SRPK2: variants seen among roughly 807,000 people sequenced by gnomAD.
The protein encoded by SRPK2 is SRSF protein kinase 2.
In SRPK2, 21 loss-of-function variants were observed where a neutral mutation model predicts 90.8. That is an observed-to-expected ratio of 0.23 (90% CI 0.16 to 0.33). The LOEUF (loss-of-function observed/expected upper bound fraction) is 0.33, where lower values mean the gene tolerates loss of function less well. Among genes scored for constraint, SRPK2 ranks in the 10% least tolerant of loss-of-function variants. The pLI is 1.00. For synonymous variants in SRPK2, 288 were observed against 311.1 expected (o/e 0.93, Z 0.78); for missense variants, 620 against 869.0 (o/e 0.71, Z 3.60).
upstream of SRPK2, among the ~76,000 whole-genome samples, chr7:105,394,387 C>T (rs1228675168): frequency 3.3e-5 from 5 of 152,048 alleles, no homozygotes; most frequent in South Asian, 8.3e-4. Flanking sequence ...ATGATCCGCC[C>T]GCCTCGGCCT....
intron 2 of SRPK2, among the ~76,000 whole-genome samples, chr7:105,221,872 C>A (rs1798140451): frequency 1.3e-5 from 2 of 152,052 alleles, no homozygotes; most frequent in South Asian, 4.1e-4. Flanking sequence ...GGGCTATAAA[C>A]AAACTAATTC....
intron 2 of SRPK2, among the ~76,000 whole-genome samples, chr7:105,349,522 C>CAAAAAA (rs572686995): frequency 2.2e-5 from 2 of 88,950 alleles, no homozygotes; most frequent in East Asian, 5.1e-4. Context: ...AACTCCATCT[C>CAAAAAA]AAAAAAAAAA....
At chr7:105,383,419 A>T (rs1821183662) in intron 2 of SRPK2, among the ~76,000 whole-genome samples, 1 of 131,552 alleles carries the variant, frequency 7.6e-6, no homozygotes, top group Non-Finnish European at 1.7e-5. Context: ...ACAAAACAGA[A>T]TTTTTTTTTT....
rs551830236 is a variant in SRPK2 at position 105,125,980 on chromosome 7, T to C, written c.1915+268A>G. 24 of 671,246 alleles carry C rather than the reference T, an allele frequency of 3.6e-5. No individual in the cohort carries two copies. In the East Asian group the frequency reaches 7.0e-4, roughly 19 times the overall value. 41.6% of individuals were successfully genotyped at this position (671,246 alleles called of 1,614,324 possible). On this transcript the variant is annotated intron_variant, in intron 15 of 15. Coordinates refer to ENST00000393651, the MANE Select transcript of SRPK2 (RefSeq NM_182692.3). Reference sequence around the variant, plus strand: ...CGCGCAGACAGAAACAGAGCGCAACTTGAATGACCAAAAGTACAGGCCTTC... The same window carrying C: ...CGCGCAGACAGAAACAGAGCGCAACCTGAATGACCAAAAGTACAGGCCTTC...
At chr7:105,137,405 C>A (rs1166412582) in intron 11 of SRPK2, among the ~76,000 whole-genome samples, 2 of 152,062 alleles carry the variant, frequency 1.3e-5, no homozygotes, top group African/African-American at 4.8e-5. Flanking sequence ...AGAAGTTAAG[C>A]CTTAAACAGT....
intron 2 of SRPK2, among the ~76,000 whole-genome samples, chr7:105,325,609 G>GT (rs567293562): frequency 5.0e-5 from 7 of 139,610 alleles, no homozygotes; most frequent in African/African-American, 1.9e-4. Flanking sequence ...TGTAATCTAA[G>GT]TACTTTAGGA....
rs547482168 is a variant in SRPK2 at position 105,286,081 on chromosome 7, G to A, written c.72-82296C>T. On this transcript the variant is annotated intron_variant, in intron 2 of 15. Coordinates refer to ENST00000393651, the MANE Select transcript of SRPK2 (RefSeq NM_182692.3). Reference sequence around the variant, plus strand: ...GAAAACTGAGGTACAAAAAGGCTAAGCAATTTGTCAAAGATCACAGAGCCA... The same window carrying A: ...GAAAACTGAGGTACAAAAAGGCTAAACAATTTGTCAAAGATCACAGAGCCA... Among the ~76,000 whole-genome samples the A allele has an allele frequency of 2.0e-5, 3 of 152,276 alleles. No individual in the cohort carries two copies. In the South Asian group the frequency reaches 6.2e-4, roughly 32 times the overall value.
At chr7:105,276,923 T>G (rs1806579038) in intron 2 of SRPK2, among the ~76,000 whole-genome samples, 1 of 152,094 alleles carries the variant, frequency 6.6e-6, no homozygotes, top group Non-Finnish European at 1.5e-5. Context: ...ACCTTAATGC[T>G]CCACTATTCT....
chr7:105,336,105 G>C (rs552620969), intron 2 of SRPK2, among the ~76,000 whole-genome samples: 3 of 152,012 alleles, frequency 2.0e-5, no homozygotes, highest in South Asian at 4.2e-4. Flanking sequence ...TATTTTTCTT[G>C]AACTTTTCTT....
At chr7:105,186,998 G>C (rs538291658) in intron 3 of SRPK2, among the ~76,000 whole-genome samples, 11 of 152,184 alleles carry the variant, frequency 7.2e-5, no homozygotes, top group Non-Finnish European at 4.4e-5. Context: ...TCAAGCCCTT[G>C]AGATGTCTCA....
At chr7:105,386,712 T>A (rs890308949) in intron 2 of SRPK2, among the ~76,000 whole-genome samples, 2 of 152,186 alleles carry the variant, frequency 1.3e-5, no homozygotes, top group African/African-American at 4.8e-5. Context: ...AGCGAAACTC[T>A]GCCTCAAAAA....
intron 2 of SRPK2, among the ~76,000 whole-genome samples, chr7:105,333,842 CATT>C (rs1166427185): frequency 6.6e-6 from 1 of 152,106 alleles, no homozygotes; most frequent in Admixed American, 6.6e-5. Context: ...ATATTTATAC[CATT>C]ATAACATATA....
rs12674005 is a variant in SRPK2 at position 105,246,141 on chromosome 7, A to G, written c.72-42356T>C. On this transcript the variant is annotated intron_variant, in intron 2 of 15. Coordinates refer to ENST00000393651, the MANE Select transcript of SRPK2 (RefSeq NM_182692.3). ...TCTATTCTTACATAGACCTTACAAA[A>G]TTTCTTGTTGCCTTCTACTTTCTTT... is the stretch of plus-strand genomic sequence containing the variant. Among the ~76,000 whole-genome samples, 16 of 152,270 alleles carry G rather than the reference A, an allele frequency of 1.1e-4. No individual in the cohort carries two copies. In the East Asian group the frequency reaches 2.7e-3, roughly 26 times the overall value.
intron 3 of SRPK2, among the ~76,000 whole-genome samples, chr7:105,183,789 G>A (rs994639079): frequency 1.3e-5 from 2 of 151,854 alleles, no homozygotes; most frequent in African/African-American, 2.4e-5. Flanking sequence ...CACGCCCTGC[G>A]TGGCTGTTTT....
chr7:105,128,740 T>A (rs1321633180), intron 13 of SRPK2, among the ~76,000 whole-genome samples: 4 of 152,228 alleles, frequency 2.6e-5, no homozygotes, highest in African/African-American at 4.8e-5. Context: ...TTCTTTCATA[T>A]TTTTTAGAGA....
At chr7:105,133,673 G>C in intron 11 of SRPK2, among the ~76,000 whole-genome samples, 1 of 152,298 alleles carries the variant, frequency 6.6e-6, no homozygotes, top group South Asian at 2.1e-4. Flanking sequence ...GATGACTGTT[G>C]ATTAACAAAC....
intron 2 of SRPK2, among the ~76,000 whole-genome samples, chr7:105,256,659 C>A (rs1406390671): frequency 1.3e-5 from 2 of 152,154 alleles, no homozygotes. Context: ...TGCTCAGCCA[C>A]ACAAGCATTT....
At chr7:105,159,469 A>AAAAAC (rs1473611343) in intron 7 of SRPK2, among the ~76,000 whole-genome samples, 3 of 149,704 alleles carry the variant, frequency 2.0e-5, no homozygotes, top group Admixed American at 6.7e-5. Flanking sequence ...AAAAAAAAAA[A>AAAAAC]AAAACCGTAC....
In SRPK2 at chr7:105,155,934, C is replaced by T. The variant is rs145559720; in HGVS notation, c.621+4573G>A. Among the ~76,000 whole-genome samples the T allele has an allele frequency of 4.1e-3, 619 of 152,256 alleles. 3 individuals are homozygous for T. Among genetic ancestry groups the T allele is most frequent in the Middle Eastern group, 6.8e-3 (2 of 294 alleles). ...ATGAATGAAAATTCTGGTAAATCTG[C>T]ACATTATAAATGTTTGGGACATCTT... On this transcript the variant is annotated intron_variant, in intron 7 of 15. Coordinates refer to ENST00000393651, the MANE Select transcript of SRPK2 (RefSeq NM_182692.3).
Sources: gnomAD v4.1 joint callset for allele counts (sites outside exome capture counted in the v4.1 genomes callset) on GRCh38, gnomAD v4.1.1 for gene constraint, MANE v1.5 for transcripts, NCBI Gene and HGNC (gene_info 2026-07-23, HGNC 2026-07-21) for gene names.